AASS: variants seen among roughly 807,000 people sequenced by gnomAD.
AASS encodes alpha-aminoadipic semialdehyde synthase, mitochondrial.
AASS carries 86 observed loss-of-function variants against 105.4 expected under a neutral mutation model. The ratio of observed to expected loss-of-function variants is 0.82; its 90% CI spans 0.69 to 0.98. The LOEUF is 0.98. AASS is among the 50% of genes least tolerant of loss of function. The pLI is 0.00. For synonymous variants in AASS, 381 were observed against 394.8 expected (o/e 0.96, Z 0.41); for missense variants, 1,048 against 1,143.2 (o/e 0.92, Z 1.20).
chr7:122,078,036 T>TA, intron 22 of AASS, 22 bp from the exon 23 acceptor site: 1 of 1,604,662 alleles, frequency 6.2e-7, no homozygotes. Flanking sequence ...TAAAGATAAG[T>TA]AAAAATACCA....
intron 11 of AASS, among the ~76,000 whole-genome samples, chr7:122,107,463 A>G (rs1202582271): frequency 6.6e-6 from 1 of 152,144 alleles, no homozygotes; most frequent in Non-Finnish European, 1.5e-5. Context: ...AAGAGTGCTC[A>G]TTGGAGCGCT....
chr7:122,076,533 C>T lies in AASS; in HGVS notation c.2737G>A (p.Ala913Thr), dbSNP rs904922473. Residue 913 changes from alanine to threonine, a missense_variant, in exon 24 of 24, where the codon GCA becomes ACA. Transcript: ENST00000417368. ...IYGPILERIK[A>T]EGIIYTTQST... is the part of the protein sequence containing the mutation. Reference sequence around the variant, plus strand: ...TGTGTAGTATATATAATGCCTTCTGCTTTAATTCGCTCCAATATTGGTCCA... The same window carrying T: ...TGTGTAGTATATATAATGCCTTCTGTTTTAATTCGCTCCAATATTGGTCCA... 1 of 1,613,948 alleles carries T rather than the reference C, an allele frequency of 6.2e-7. No homozygotes were observed. Among genetic ancestry groups the T allele is most frequent in the Non-Finnish European group, 8.5e-7 (1 of 1,179,838 alleles).
intron 19 of AASS, chr7:122,082,911 T>A: frequency 2.4e-6 from 3 of 1,229,106 alleles, no homozygotes; most frequent in Non-Finnish European, 3.2e-6. Flanking sequence ...AACAAATGGC[T>A]GGATAAATAG....
intron 11 of AASS, among the ~76,000 whole-genome samples, chr7:122,111,262 A>G (rs1365908025): frequency 1.3e-5 from 2 of 152,204 alleles, no homozygotes; most frequent in Non-Finnish European, 2.9e-5. Context: ...AAGAGAAAAT[A>G]CCAAAACAAA....
At chr7:122,123,359 T>C (rs1479763193) in intron 4 of AASS, among the ~76,000 whole-genome samples, 3 of 152,200 alleles carry the variant, frequency 2.0e-5, no homozygotes, top group Admixed American at 1.3e-4. Context: ...AGGGTGAACA[T>C]AGAGCTCACC....
chr7:122,094,071 A>G (rs1794029473), intron 15 of AASS, among the ~76,000 whole-genome samples: 1 of 152,044 alleles, frequency 6.6e-6, no homozygotes, highest in Non-Finnish European at 1.5e-5. Flanking sequence ...GATGGAAACA[A>G]TAGACACTGA....
intron 4 of AASS, among the ~76,000 whole-genome samples, chr7:122,119,197 T>G (rs969374820): frequency 6.6e-6 from 1 of 152,164 alleles, no homozygotes; most frequent in Admixed American, 6.5e-5. Flanking sequence ...GCATCCCAAC[T>G]TGAAATTTTT....
chr7:122,118,697 G>T (rs1055725827), intron 4 of AASS, 67 bp from the exon 5 acceptor site: 3 of 1,499,060 alleles, frequency 2.0e-6, no homozygotes, highest in African/African-American at 1.4e-5. Flanking sequence ...CTCTCTGCTC[G>T]TTCTCCAATC....
rs956264419 is a variant in AASS, at chr7:122,129,356, A to G, written c.387+5T>C. 6.3e-7 allele frequency: 1 copy of G among 1,579,098 alleles called. No individual in the cohort carries two copies. The highest frequency in any genetic ancestry group is 8.6e-7 in the Non-Finnish European group (1 of 1,158,516). ...TAATATTTATAAATATTAATCACTA[A>G]TTACCTGTTTTAGAATCTCATCCAA... On this transcript the variant is annotated splice_donor_5th_base_variant and intron_variant, in intron 3 of 23. Transcript: ENST00000417368.
In AASS at chr7:122,078,898, C is replaced by T; in HGVS notation, c.2449G>A (p.Ala817Thr). 6.2e-7 allele frequency: 1 copy of T among 1,614,086 alleles called. No homozygotes were observed. The highest frequency in any genetic ancestry group is 1.1e-5 in the South Asian group (1 of 91,082). The change falls in exon 22 of 24, where the codon GCC becomes ACC. Residue 817 changes from alanine to threonine, a missense_variant. Transcript: ENST00000417368. ...TTCATGACCAAATGCTTGGAGAGGG[C>T]ATCCAGAATGGACTCTGCCTGAGGA... Reference protein sequence around the residue: ...QVPQAESILDALSKHLVMKLS... With the variant: ...QVPQAESILDTLSKHLVMKLS...
chr7:122,092,659 G>A (rs546659683), intron 17 of AASS, among the ~76,000 whole-genome samples, 184 bp downstream of exon 17: 67 of 152,132 alleles, frequency 4.4e-4, no homozygotes, highest in Admixed American at 3.8e-3. Flanking sequence ...GGGAGATGGA[G>A]GTTGCAGTGA....
chr7:122,121,426 A>C (rs971151756), intron 4 of AASS, among the ~76,000 whole-genome samples: 2 of 152,088 alleles, frequency 1.3e-5, no homozygotes, highest in Non-Finnish European at 1.5e-5. Flanking sequence ...CAGTTAACTC[A>C]CTTTGTCACC....
At chr7:122,098,995 A>G (rs1372338476) in intron 13 of AASS, 129 bp from the exon 14 acceptor site, 4 of 974,768 alleles carry the variant, frequency 4.1e-6, no homozygotes. Flanking sequence ...TTCTCTTCAC[A>G]TTACTTAAAA....
chr7:122,100,853 C>T (rs1397771361), intron 13 of AASS, among the ~76,000 whole-genome samples: 1 of 151,868 alleles, frequency 6.6e-6, no homozygotes, highest in East Asian at 1.9e-4. Context: ...TGGCACCTTC[C>T]CCCTAATAAG....
Position 122,135,414 on chromosome 7 carries a change from C to T in AASS, c.-15-1673G>A, listed in dbSNP as rs112701164. Among the ~76,000 whole-genome samples, 1,095 of 152,220 alleles carry T rather than the reference C, an allele frequency of 7.2e-3. 14 individuals are homozygous for T. Among genetic ancestry groups the T allele is most frequent in the African/African-American group, 0.025 (1,032 of 41,518 alleles). On this transcript the variant is annotated intron_variant, in intron 1 of 23. Transcript: ENST00000417368. Reference sequence around the variant, plus strand: ...GTTCACCTTTGTTGCTCTAAACATGCCAGTTCCTCTTCCTGGGTTTTCTCT... The same window carrying T: ...GTTCACCTTTGTTGCTCTAAACATGTCAGTTCCTCTTCCTGGGTTTTCTCT...
intron 11 of AASS, among the ~76,000 whole-genome samples, chr7:122,112,823 T>A (rs1794998538): frequency 6.6e-6 from 1 of 152,012 alleles, no homozygotes; most frequent in Admixed American, 6.6e-5. Flanking sequence ...TGGCAAAAAA[T>A]TAAAAATAAA....
At chr7:122,082,937 T>C (rs914489353) in intron 19 of AASS, 2 of 1,135,830 alleles carry the variant, frequency 1.8e-6, no homozygotes, top group South Asian at 1.3e-5. Context: ...GAATAATAGA[T>C]GAAGTGAAGA....
chr7:122,143,825 G>T (rs937096896), intron 1 of AASS, among the ~76,000 whole-genome samples: 1 of 151,964 alleles, frequency 6.6e-6, no homozygotes, highest in African/African-American at 2.4e-5. Context: ...ACCACTGTCC[G>T]CCAAAAAAGA....
At chr7:122,108,500 G>A (rs1288593962) in intron 11 of AASS, among the ~76,000 whole-genome samples, 1 of 151,980 alleles carries the variant, frequency 6.6e-6, no homozygotes, top group Non-Finnish European at 1.5e-5. Flanking sequence ...CATTCCAGGG[G>A]TGCAAGAATG....
Sources: gnomAD v4.1 joint callset for allele counts (sites outside exome capture counted in the v4.1 genomes callset) on GRCh38, gnomAD v4.1.1 for gene constraint, MANE v1.5 for transcripts, NCBI Gene and HGNC (gene_info 2026-07-23, HGNC 2026-07-21) for gene names.